The following TPTE variants were observed in gnomAD, a reference collection of about 807,000 sequenced individuals.
The protein encoded by TPTE is putative tyrosine-protein phosphatase TPTE.
TPTE carries 59 observed loss-of-function variants against 84.1 expected under a neutral mutation model. The observed-to-expected ratio is 0.70, with a 90% CI of 0.57 to 0.87. TPTE has a LOEUF of 0.87. Among genes scored for constraint, TPTE ranks in the 40% least tolerant of loss-of-function variants. The pLI is 0.00. For synonymous variants in TPTE, 130 were observed against 223.5 expected (o/e 0.58, Z 3.73); for missense variants, 382 against 659.6 (o/e 0.58, Z 4.61).
intron 17 of TPTE, among the ~76,000 whole-genome samples, chr21:10,587,540 G>A (rs1292522611): frequency 6.6e-6 from 1 of 152,396 alleles, no homozygotes; most frequent in Non-Finnish European, 1.5e-5. Flanking sequence ...TGCTGCAAAG[G>A]AAATGATTTC....
At chr21:10,559,250 G>A (rs1196987760) in intron 8 of TPTE, among the ~76,000 whole-genome samples, 1 of 152,310 alleles carries the variant, frequency 6.6e-6, no homozygotes, top group Non-Finnish European at 1.5e-5. Context: ...TTGGGGCTTT[G>A]CATGCAATGG....
chr21:10,537,651 C>T (rs2074290257), intron 3 of TPTE, among the ~76,000 whole-genome samples: 1 of 151,288 alleles, frequency 6.6e-6, no homozygotes, highest in East Asian at 1.9e-4. Flanking sequence ...GCACTCCAGC[C>T]TGGGCAACAG....
rs759259513 is a variant in TPTE at position 10,605,571 on chromosome 21, C to G, written c.*19C>G. The G allele has an allele frequency of 3.7e-6, 6 of 1,613,928 alleles. No homozygotes were observed. The highest frequency in any genetic ancestry group is 4.2e-6 in the Non-Finnish European group (5 of 1,179,816). ...CGATTAAGTATAGCTCCCCCTTCCCCTTCTGGGAAAGAATTATGTTCTTTC... is the reference window on the plus strand; with the variant it reads ...CGATTAAGTATAGCTCCCCCTTCCCGTTCTGGGAAAGAATTATGTTCTTTC... On this transcript the variant is annotated 3_prime_UTR_variant, in exon 24 of 24. Transcript: ENST00000618007.
intron 3 of TPTE, among the ~76,000 whole-genome samples, chr21:10,531,477 A>C (rs545027423): frequency 6.6e-6 from 1 of 152,428 alleles, no homozygotes; most frequent in African/African-American, 2.4e-5. Flanking sequence ...CTTGTGCAGC[A>C]CACAACTGTG....
chr21:10,523,563 T>G (rs1172048329), intron 1 of TPTE, among the ~76,000 whole-genome samples: 3 of 152,292 alleles, frequency 2.0e-5, no homozygotes, highest in Non-Finnish European at 4.4e-5. Flanking sequence ...TGGTTTTTTG[T>G]TCTTGCGATA....
At chr21:10,528,931 A>G (rs2074129265) in intron 3 of TPTE, among the ~76,000 whole-genome samples, 1 of 152,310 alleles carries the variant, frequency 6.6e-6, no homozygotes, top group African/African-American at 2.4e-5. Context: ...TCAAGCCTGT[A>G]ATCCCAGCAC....
chr21:10,552,144 G>A lies in TPTE; in HGVS notation c.174-513G>A, dbSNP rs1432897928. On this transcript the variant is annotated intron_variant, in intron 7 of 23. Coordinates refer to ENST00000618007, the MANE Select transcript of TPTE (RefSeq NM_199261.4). Reference sequence around the variant, plus strand: ...TCATTAGCATTTTTTAACCAATAAAGTAGTTTTTAATTAAGGTATATACAT... The same window carrying A: ...TCATTAGCATTTTTTAACCAATAAAATAGTTTTTAATTAAGGTATATACAT... 5.2e-5 allele frequency among the ~76,000 whole-genome samples: 8 copies of A among 152,420 alleles called. No individual in the cohort carries two copies. The East Asian group carries it at 9.6e-4, about 18-fold the overall frequency.
intron 19 of TPTE, among the ~76,000 whole-genome samples, chr21:10,594,380 G>A (rs1423857448): frequency 6.6e-6 from 1 of 152,428 alleles, no homozygotes; most frequent in African/African-American, 2.4e-5. Flanking sequence ...TTGAAGTGGT[G>A]ACTTCTGTAT....
At chr21:10,533,367 T>A (rs1404401973) in intron 3 of TPTE, among the ~76,000 whole-genome samples, 1 of 152,312 alleles carries the variant, frequency 6.6e-6, no homozygotes, top group Non-Finnish European at 1.5e-5. Flanking sequence ...CTTAAGAATA[T>A]TTGTCATGCT....
At position 10,541,120 on chromosome 21, in the gene TPTE, C is replaced by G. The variant is rs149877959; in HGVS notation, c.20C>G (p.Pro7Arg). ...CCATATTTGTCCTTTAGTCCTGATCCGACTGACCTGGCGGGAGTCATCATT... is the reference window on the plus strand; with the variant it reads ...CCATATTTGTCCTTTAGTCCTGATCGGACTGACCTGGCGGGAGTCATCATT... MNESPD[P>R]TDLAGVIIEL... is the part of the protein sequence containing the mutation. Residue 7 changes from proline (P) to arginine (R), a missense_variant, in exon 5 of 24, where the codon CCG (proline) becomes CGG (arginine). Physicochemically the swap from Pro to Arg is moderately radical, Grantham distance 103. Coordinates refer to ENST00000618007, the MANE Select transcript of TPTE (RefSeq NM_199261.4). 3 of 1,613,074 alleles carry G rather than the reference C, an allele frequency of 1.9e-6. No homozygotes were observed. The highest frequency in any genetic ancestry group is 2.5e-6 in the Non-Finnish European group (3 of 1,179,258).
chr21:10,573,953 C>T (rs1359639279), intron 14 of TPTE, among the ~76,000 whole-genome samples: 6 of 152,302 alleles, frequency 3.9e-5, no homozygotes, highest in Admixed American at 2.0e-4. Context: ...GCAAATTACA[C>T]TACCAGTCTG....
chr21:10,572,016 A>G (rs1361838970), intron 14 of TPTE, among the ~76,000 whole-genome samples: 1 of 152,428 alleles, frequency 6.6e-6, no homozygotes, highest in South Asian at 2.1e-4. Flanking sequence ...AAAAAAAAAA[A>G]AAAATACAAT....
At chr21:10,550,649 T>G (rs890778418) in intron 7 of TPTE, among the ~76,000 whole-genome samples, 1 of 151,466 alleles carries the variant, frequency 6.6e-6, no homozygotes, top group Non-Finnish European at 1.5e-5. Context: ...ACAATAAGAG[T>G]TGGGCACTTC....
intron 10 of TPTE, among the ~76,000 whole-genome samples, chr21:10,566,440 A>G (rs1391107277): frequency 1.3e-5 from 2 of 152,310 alleles, no homozygotes; most frequent in Admixed American, 6.5e-5. Context: ...ATTGGAGAAC[A>G]GTTTGGAGGT....
intron 7 of TPTE, among the ~76,000 whole-genome samples, chr21:10,545,885 T>C (rs2074458118): frequency 1.3e-5 from 2 of 151,896 alleles, no homozygotes. Flanking sequence ...TCAGTAGTCA[T>C]GTATATATCC....
At chr21:10,595,878 T>G in intron 19 of TPTE, 104 bp from the exon 20 acceptor site, 4 of 1,430,018 alleles carry the variant, frequency 2.8e-6, no homozygotes, top group East Asian at 2.3e-5. Context: ...AATGTTTCCT[T>G]AATTACTTAC....
intron 4 of TPTE, 108 bp downstream of exon 4, chr21:10,538,842 C>G: frequency 6.2e-7 from 1 of 1,608,954 alleles, no homozygotes; most frequent in Non-Finnish European, 8.5e-7. Context: ...ATCCATGCAT[C>G]CATCCGTACA....
Position 10,570,497 on chromosome 21 carries a change from CTA to C in TPTE, c.745_746del (p.Met249ValfsTer12). On this transcript the variant is annotated frameshift_variant, in exon 14 of 24. Coordinates refer to ENST00000618007, the MANE Select transcript of TPTE (RefSeq NM_199261.4). LOFTEE classifies it high-confidence loss of function. ...TTTTGACTTTTAGAACGTATTATTG[CTA>C]TGTCATTTCCATCTTCTGGAAGGCA... 1 of 1,614,162 alleles carries C rather than the reference CTA, an allele frequency of 6.2e-7. No individual in the cohort carries two copies. The highest frequency in any genetic ancestry group is 8.5e-7 in the Non-Finnish European group (1 of 1,180,016).
chr21:10,522,364 CG>C (rs1200905838), intron 1 of TPTE, among the ~76,000 whole-genome samples: 1 of 7,584 alleles, frequency 1.3e-4, no homozygotes, highest in East Asian at 1.5e-3. Flanking sequence ...CGGGGGTCTG[CG>C]GGGGTGGGCG....
Sources: gnomAD v4.1 joint callset for allele counts (sites outside exome capture counted in the v4.1 genomes callset) on GRCh38, gnomAD v4.1.1 for gene constraint, MANE v1.5 for transcripts, NCBI Gene and HGNC (gene_info 2026-07-23, HGNC 2026-07-21) for gene names.